Variants in IHO1 observed in about 807,000 individuals in gnomAD.
IHO1 encodes interactor of HORMAD1 protein 1.
IHO1 carries 13 observed loss-of-function variants against 31.0 expected under a neutral mutation model. The observed-to-expected ratio is 0.42, with a 90% confidence interval of 0.27 to 0.67. The LOEUF (loss-of-function observed/expected upper bound fraction) is 0.67, where lower values mean the gene tolerates loss of function less well. IHO1 is among the 30% of genes least tolerant of loss of function. The pLI is 0.24. For missense variants in IHO1, 599 were observed against 687.5 expected (o/e 0.87, Z 1.44); for synonymous variants, 221 against 248.4 (o/e 0.89, Z 1.04).
chr3:49,211,793 G>A lies in IHO1; in HGVS notation c.13G>A (p.Val5Ile). 1.9e-6 allele frequency: 3 copies of A among 1,544,004 alleles called. No individual in the cohort carries two copies. Among genetic ancestry groups the A allele is most frequent in the Non-Finnish European group, 2.7e-6 (3 of 1,116,800 alleles). Reference sequence around the variant, plus strand: ...ATAACTATAAGAAATGAATTTTAATGTCTGGAATATCAAAGAGATGCTCAG... The same window carrying A: ...ATAACTATAAGAAATGAATTTTAATATCTGGAATATCAAAGAGATGCTCAG... Reference protein sequence around the residue: MNFNVWNIKEMLSIP... With the variant: MNFNIWNIKEMLSIP... Residue 5 changes from valine (V) to isoleucine (I), a missense_variant, in exon 2 of 8, where the codon GTC becomes ATC. Val to Ile is a conservative substitution (Grantham distance 29, BLOSUM62 3). Transcript: ENST00000452691.
At chr3:49,235,927 C>A (rs2046554072) in intron 2 of IHO1, among the ~76,000 whole-genome samples, 1 of 74,636 alleles carries the variant, frequency 1.3e-5, no homozygotes, top group African/African-American at 4.9e-5. Context: ...GAGACTCTGT[C>A]TCAAAAAAAA....
At chr3:49,211,321 A>C (rs578246701) in intron 1 of IHO1, among the ~76,000 whole-genome samples, 255 of 152,166 alleles carry the variant, frequency 1.7e-3, no homozygotes, top group Admixed American at 3.7e-3. Flanking sequence ...ATTTAGTTCT[A>C]ATTTGATTTC....
intron 1 of IHO1, 48 bp from the exon 2 acceptor site, chr3:49,211,718 A>G (rs527651026): frequency 2.1e-5 from 19 of 919,730 alleles, no homozygotes; most frequent in Admixed American, 3.9e-5. Context: ...ATCTTTGGAA[A>G]AAATTATACT....
chr3:49,255,414 A>ACGACC lies in IHO1; in HGVS notation c.557_558insCGACC (p.Val189ThrfsTer20). On this transcript the variant is annotated frameshift_variant, in exon 7 of 8. Coordinates refer to ENST00000452691, the MANE Select transcript of IHO1 (RefSeq NM_001135197.2). LOFTEE classifies it high-confidence loss of function. ...GTACAAGAGACTATACAGGCCCAGA[A>ACGACC]TGACCTGGTGTTTGAGGCAGTCCAG... 1 of 1,602,386 alleles carries ACGACC rather than the reference A, an allele frequency of 6.2e-7. No homozygotes were observed. The highest frequency in any genetic ancestry group is 8.5e-7 in the Non-Finnish European group (1 of 1,177,024).
chr3:49,241,560 CAG>C (rs2046631770), intron 4 of IHO1, among the ~76,000 whole-genome samples, 171 bp downstream of exon 4: 2 of 151,906 alleles, frequency 1.3e-5, no homozygotes, highest in South Asian at 4.2e-4. Flanking sequence ...CACACACACA[CAG>C]ACACACAAAC....
At chr3:49,219,536 T>C (rs997986643) in intron 2 of IHO1, among the ~76,000 whole-genome samples, 1 of 152,242 alleles carries the variant, frequency 6.6e-6, no homozygotes, top group Non-Finnish European at 1.5e-5. Flanking sequence ...CTGTCAGCTC[T>C]GAAGGCTGTG....
chr3:49,213,560 C>T (rs530200388), intron 2 of IHO1, among the ~76,000 whole-genome samples: 7 of 152,328 alleles, frequency 4.6e-5, no homozygotes, highest in East Asian at 3.9e-4. Context: ...CTTGGGTGGT[C>T]GATGGGACCG....
chr3:49,225,072 A>C (rs2046402518), intron 2 of IHO1, among the ~76,000 whole-genome samples: 1 of 152,230 alleles, frequency 6.6e-6, no homozygotes, highest in South Asian at 2.1e-4. Flanking sequence ...TTTTGCTACT[A>C]CATCAGTTTC....
chr3:49,199,148 TC>T (rs2046021794), upstream of IHO1: 1 of 152,614 alleles, frequency 6.6e-6, no homozygotes, highest in Admixed American at 6.5e-5. Context: ...GGGTGGCCAT[TC>T]CGGCGTGAGT....
At chr3:49,218,603 A>G (rs2046317154) in intron 2 of IHO1, among the ~76,000 whole-genome samples, 1 of 151,930 alleles carries the variant, frequency 6.6e-6, no homozygotes, top group South Asian at 2.1e-4. Context: ...GCTGATTTCA[A>G]ACTCCTGACC....
At chr3:49,214,621 TATATATATA>T (rs1187753721) in intron 2 of IHO1, among the ~76,000 whole-genome samples, 2 of 36,302 alleles carry the variant, frequency 5.5e-5, no homozygotes, top group African/African-American at 1.8e-4. Context: ...TATATATATA[TATATATATA>T]TATTTTTTTT....
At chr3:49,224,267 G>A (rs527865024) in intron 2 of IHO1, among the ~76,000 whole-genome samples, 9 of 152,270 alleles carry the variant, frequency 5.9e-5, no homozygotes, top group East Asian at 1.9e-4. Flanking sequence ...GGATCCTTCC[G>A]TAGGTATTTC....
chr3:49,254,781 G>A (rs1006684016), intron 6 of IHO1, among the ~76,000 whole-genome samples: 6 of 151,886 alleles, frequency 4.0e-5, no homozygotes, highest in Non-Finnish European at 7.4e-5. Flanking sequence ...AAGTTTCAAC[G>A]GGCTGGGCAT....
chr3:49,191,819 G>A, the IHO1 span: 1 of 1,527,658 alleles, frequency 6.5e-7, no homozygotes, highest in Non-Finnish European at 8.8e-7. Context: ...TTGTCTTTTG[G>A]AGGGTATCTT....
intron 2 of IHO1, among the ~76,000 whole-genome samples, chr3:49,233,188 A>C (rs2046504918): frequency 1.3e-5 from 2 of 152,202 alleles, no homozygotes; most frequent in Admixed American, 1.3e-4. Flanking sequence ...TTTAAACAAA[A>C]CGGTCAGATG....
Position 49,201,756 on chromosome 3 carries a change from A to C in IHO1, c.-16+2183A>C, listed in dbSNP as rs539761316. On this transcript the variant is annotated intron_variant, in intron 1 of 7. Coordinates refer to ENST00000452691, the MANE Select transcript of IHO1 (RefSeq NM_001135197.2). ...ACATGGTAAACCTCTGTCTCTACCAAAAATACAAAAAATTAGCCAGGTATG... is the reference window on the plus strand; with the variant it reads ...ACATGGTAAACCTCTGTCTCTACCACAAATACAAAAAATTAGCCAGGTATG... Among the ~76,000 whole-genome samples the C allele has an allele frequency of 2.0e-5, 3 of 152,190 alleles. No homozygotes were observed. The Middle Eastern group carries it at 0.01, about 518-fold the overall frequency.
intron 2 of IHO1, among the ~76,000 whole-genome samples, chr3:49,231,097 A>C (rs1379981290): frequency 1.3e-5 from 2 of 152,214 alleles, no homozygotes. Flanking sequence ...TTTTTCTTCC[A>C]AATACTAATT....
Position 49,255,422 on chromosome 3 carries a change from G to C in IHO1, c.565G>C (p.Val189Leu), listed in dbSNP as rs1444531399. 6.2e-7 allele frequency: 1 copy of C among 1,602,532 alleles called. No homozygotes were observed. The highest frequency in any genetic ancestry group is 8.5e-7 in the Non-Finnish European group (1 of 1,177,168). ...GACTATACAGGCCCAGAATGACCTG[G>C]TGTTTGAGGCAGTCCAGGACAAAGG... ...QETIQAQNDL[V>L]FEAVQDKGNM... The change falls in exon 7 of 8, where the codon GTG (valine) becomes CTG (leucine). Residue 189 changes from valine (V) to leucine (L), a missense_variant. Coordinates refer to ENST00000452691, the MANE Select transcript of IHO1 (RefSeq NM_001135197.2).
chr3:49,208,143 C>G (rs949360774), intron 1 of IHO1, among the ~76,000 whole-genome samples: 1 of 152,224 alleles, frequency 6.6e-6, no homozygotes, highest in Non-Finnish European at 1.5e-5. Context: ...GGGAAACATG[C>G]TTTTCTGTGT....
Sources: gnomAD v4.1 joint callset for allele counts (sites outside exome capture counted in the v4.1 genomes callset) on GRCh38, gnomAD v4.1.1 for gene constraint, MANE v1.5 for transcripts, NCBI Gene and HGNC (gene_info 2026-07-23, HGNC 2026-07-21) for gene names.